Variants in SDK1 observed in about 807,000 individuals in gnomAD.
SDK1 encodes sidekick cell adhesion molecule 1.
Under a neutral mutation model 245.5 loss-of-function variants are expected in SDK1, and 157 were observed. The ratio of observed to expected loss-of-function variants is 0.64; its 90% CI spans 0.56 to 0.73. SDK1 has a LOEUF of 0.73. Ranked by LOEUF, SDK1 falls within the 30% of genes least tolerant of loss-of-function variation. SDK1 has a pLI of 0.00. For missense variants in SDK1, 3,583 were observed against 3,002.3 expected (o/e 1.19, Z -4.52); for synonymous variants, 1,647 against 1,278.5 (o/e 1.29, Z -6.15).
chr7:3,996,202 C>A (rs1466763015), intron 14 of SDK1, among the ~76,000 whole-genome samples: 4 of 152,014 alleles, frequency 2.6e-5, no homozygotes, highest in African/African-American at 9.7e-5. Flanking sequence ...TTCAGAGGAC[C>A]TGTTTATACA....
intron 16 of SDK1, among the ~76,000 whole-genome samples, chr7:4,012,623 G>A (rs1808948): frequency 0.14 from 17,593 of 128,120 alleles, 1,317 homozygotes; most frequent in Middle Eastern, 0.21. Context: ...GCCCAGGCTG[G>A]AGTGCAGTGG....
intron 40 of SDK1, among the ~76,000 whole-genome samples, chr7:4,223,231 C>T (rs570162313): frequency 2.0e-5 from 3 of 152,250 alleles, no homozygotes; most frequent in Admixed American, 6.5e-5. Flanking sequence ...TCAGGAGATC[C>T]GTGAGCTTGG....
At chr7:4,056,923 C>A (rs146800404) in intron 19 of SDK1, among the ~76,000 whole-genome samples, 14 of 152,312 alleles carry the variant, frequency 9.2e-5, no homozygotes, top group African/African-American at 3.1e-4. Flanking sequence ...TGCAGCCCCA[C>A]TGACATCCCC....
At chr7:3,519,222 A>G (rs531981118) in intron 1 of SDK1, among the ~76,000 whole-genome samples, 30 of 152,184 alleles carry the variant, frequency 2.0e-4, no homozygotes, top group Non-Finnish European at 4.0e-4. Context: ...CAAGTCTTCC[A>G]TAGCACTGTA....
chr7:3,421,053 T>G (rs1020486650), intron 1 of SDK1, among the ~76,000 whole-genome samples: 3 of 151,886 alleles, frequency 2.0e-5, no homozygotes, highest in African/African-American at 7.3e-5. Flanking sequence ...TTAAAGCTTT[T>G]ATCAATTTTT....
intron 4 of SDK1, among the ~76,000 whole-genome samples, chr7:3,690,420 A>G (rs117067104): frequency 0.014 from 2,182 of 152,290 alleles, 20 homozygotes; most frequent in Non-Finnish European, 0.022. Flanking sequence ...ATGTTCAGTG[A>G]TAGTGGCAGG....
chr7:3,542,715 T>G (rs1779091701), intron 1 of SDK1, among the ~76,000 whole-genome samples: 2 of 152,234 alleles, frequency 1.3e-5, no homozygotes, highest in South Asian at 4.1e-4. Flanking sequence ...TAAACCTCTC[T>G]TAGAAACTGT....
intron 1 of SDK1, among the ~76,000 whole-genome samples, chr7:3,322,023 T>TC (rs1554257369): frequency 5.4e-5 from 8 of 148,672 alleles, no homozygotes; most frequent in African/African-American, 9.8e-5. Flanking sequence ...TTTTTTTTTT[T>TC]CACTTAGGTG....
intron 30 of SDK1, among the ~76,000 whole-genome samples, chr7:4,152,700 A>G (rs1780466046): frequency 6.6e-6 from 1 of 152,224 alleles, no homozygotes; most frequent in Non-Finnish European, 1.5e-5. Flanking sequence ...ATCCCAGGAA[A>G]GTGATATTTT....
At chr7:3,973,444 A>G (rs955188132) in intron 12 of SDK1, among the ~76,000 whole-genome samples, 2 of 152,058 alleles carry the variant, frequency 1.3e-5, no homozygotes, top group Non-Finnish European at 2.9e-5. Context: ...CAGGCTCTCA[A>G]TTGATTGTGT....
chr7:4,188,863 A>T (rs1460525419), intron 35 of SDK1, among the ~76,000 whole-genome samples: 1 of 152,142 alleles, frequency 6.6e-6, no homozygotes, highest in African/African-American at 2.4e-5. Context: ...ATTCTTACAC[A>T]CAGTCAAGTC....
chr7:3,764,644 C>T (rs768908304), intron 4 of SDK1, among the ~76,000 whole-genome samples: 6 of 151,602 alleles, frequency 4.0e-5, no homozygotes, highest in Non-Finnish European at 8.8e-5. Flanking sequence ...ATTGCGCCAC[C>T]GCACTCTAGC....
chr7:3,711,876 T>A (rs1268745286), intron 4 of SDK1, among the ~76,000 whole-genome samples: 1 of 152,160 alleles, frequency 6.6e-6, no homozygotes, highest in Non-Finnish European at 1.5e-5. Flanking sequence ...AGCCCTGCCA[T>A]GGTAGACTTC....
At chr7:4,025,923 A>G (rs1787307224) in intron 17 of SDK1, among the ~76,000 whole-genome samples, 1 of 152,066 alleles carries the variant, frequency 6.6e-6, no homozygotes, top group African/African-American at 2.4e-5. Context: ...TGCCGCCCAC[A>G]CTGAGCCTGG....
intron 13 of SDK1, among the ~76,000 whole-genome samples, chr7:3,980,823 T>C (rs1783342587): frequency 6.6e-6 from 1 of 151,754 alleles, no homozygotes; most frequent in Non-Finnish European, 1.5e-5. Context: ...GCACCTGTAA[T>C]CCCAGCTACT....
chr7:3,409,869 C>T (rs368459431), intron 1 of SDK1, among the ~76,000 whole-genome samples: 1 of 152,006 alleles, frequency 6.6e-6, no homozygotes, highest in Non-Finnish European at 1.5e-5. Context: ...AGAGTTTAAG[C>T]GAATGAGCGT....
intron 4 of SDK1, among the ~76,000 whole-genome samples, chr7:3,705,622 T>G (rs1784865695): frequency 6.6e-6 from 1 of 152,146 alleles, no homozygotes; most frequent in Non-Finnish European, 1.5e-5. Flanking sequence ...GAAACTTTAC[T>G]AAATTCATTT....
At chr7:3,826,830 T>C (rs1779787729) in intron 5 of SDK1, among the ~76,000 whole-genome samples, 1 of 152,170 alleles carries the variant, frequency 6.6e-6, no homozygotes, top group African/African-American at 2.4e-5. Flanking sequence ...AAAACATAAG[T>C]TAAAATACTA....
chr7:3,792,144 A>C (rs1252987693), intron 4 of SDK1, among the ~76,000 whole-genome samples: 1 of 151,940 alleles, frequency 6.6e-6, no homozygotes, highest in Non-Finnish European at 1.5e-5. Flanking sequence ...ACAAAACAAA[A>C]TAACAAAAAA....
Sources: allele counts gnomAD v4.1 joint callset (sites outside exome capture counted in the v4.1 genomes callset), GRCh38; gene constraint gnomAD v4.1.1; transcripts MANE v1.5; gene names NCBI Gene and HGNC (gene_info 2026-07-23, HGNC 2026-07-21).